CADM2: variants seen among roughly 807,000 people sequenced by gnomAD.
The protein encoded by CADM2 is immunoglobulin superfamily member 4D.
In CADM2, 12 loss-of-function variants were observed where a neutral mutation model predicts 49.8. The observed-to-expected ratio is 0.24, with a 90% confidence interval of 0.15 to 0.39. The LOEUF (loss-of-function observed/expected upper bound fraction) is 0.39, where lower values mean the gene tolerates loss of function less well. Ranked by LOEUF, CADM2 falls within the 10% of genes least tolerant of loss-of-function variation. The probability of loss-of-function intolerance (pLI) is 1.00; values close to 1 mark genes in which losing one functional copy is unlikely to be tolerated. For missense variants in CADM2, 378 were observed against 492.3 expected (o/e 0.77, Z 2.20); for synonymous variants, 214 against 175.4 (o/e 1.22, Z -1.74).
intron 1 of CADM2, among the ~76,000 whole-genome samples, chr3:85,215,464 C>G (rs1259582640): frequency 6.6e-6 from 1 of 151,290 alleles, no homozygotes; most frequent in African/African-American, 2.4e-5. Context: ...AGGTTGAAGT[C>G]CTTTTTACTC....
chr3:85,573,149 C>G (rs1290033293), intron 1 of CADM2, among the ~76,000 whole-genome samples: 1 of 149,474 alleles, frequency 6.7e-6, no homozygotes, highest in East Asian at 2.0e-4. Flanking sequence ...TATATAAAAA[C>G]GTGCTTATTT....
chr3:85,817,657 T>C (rs1050091505), intron 3 of CADM2, among the ~76,000 whole-genome samples: 1 of 152,146 alleles, frequency 6.6e-6, no homozygotes, highest in Non-Finnish European at 1.5e-5. Context: ...GAATCACAGT[T>C]CCATCGTGGA....
At chr3:85,098,776 C>T (rs1253993856) in intron 1 of CADM2, among the ~76,000 whole-genome samples, 3 of 152,136 alleles carry the variant, frequency 2.0e-5, no homozygotes, top group East Asian at 3.9e-4. Context: ...ATGCTTGCTC[C>T]GCACCTCGTG....
intron 1 of CADM2, among the ~76,000 whole-genome samples, chr3:85,603,266 T>G (rs1256315689): frequency 6.6e-6 from 1 of 151,968 alleles, no homozygotes; most frequent in East Asian, 1.9e-4. Context: ...AGGCTGCATT[T>G]CTTCTAACAT....
chr3:85,395,847 T>G (rs2107415989), intron 1 of CADM2, among the ~76,000 whole-genome samples: 1 of 151,462 alleles, frequency 6.6e-6, no homozygotes. Flanking sequence ...TGTATGCAAC[T>G]TTAAAAATCA....
intron 1 of CADM2, among the ~76,000 whole-genome samples, chr3:85,637,869 A>G (rs1696406684): frequency 6.6e-6 from 1 of 152,138 alleles, no homozygotes; most frequent in Admixed American, 6.5e-5. Flanking sequence ...ACAAAAATTT[A>G]GGTGAAAACA....
chr3:85,244,583 C>T (rs2042607087), intron 1 of CADM2, among the ~76,000 whole-genome samples: 1 of 152,028 alleles, frequency 6.6e-6, no homozygotes, highest in Non-Finnish European at 1.5e-5. Flanking sequence ...TCTCATTAGT[C>T]ATTATTTCTC....
chr3:85,900,829 T>C (rs889995849), intron 5 of CADM2, among the ~76,000 whole-genome samples: 8 of 152,200 alleles, frequency 5.3e-5, no homozygotes, highest in Admixed American at 3.3e-4. Context: ...CTTCTTCATA[T>C]GTGAGGAAAA....
rs536349116 is a variant in CADM2 at position 85,668,344 on chromosome 3, A to G, written c.62-58178A>G. Among the ~76,000 whole-genome samples, 151 of 151,926 alleles carry G rather than the reference A, an allele frequency of 9.9e-4. 1 individual carries two copies. The highest frequency in any genetic ancestry group is 1.6e-3 in the Admixed American group (25 of 15,198). On this transcript the variant is annotated intron_variant, in intron 1 of 9. Coordinates refer to ENST00000383699, the MANE Select transcript of CADM2 (RefSeq NM_001167675.2). The stretch of plus-strand genomic sequence containing the variant: ...CAAAAACAAACACAAACAAACAAAA[A>G]AACACCTCAAATAAATCTAGTGTTT...
chr3:85,194,335 A>G (rs542170259), intron 1 of CADM2, among the ~76,000 whole-genome samples: 3 of 152,162 alleles, frequency 2.0e-5, no homozygotes, highest in East Asian at 3.9e-4. Context: ...GTATGTCTTA[A>G]AACATTGGGA....
intron 1 of CADM2, among the ~76,000 whole-genome samples, chr3:85,010,947 T>A (rs1174872146): frequency 1.6e-5 from 2 of 128,584 alleles, no homozygotes; most frequent in East Asian, 5.3e-4. Flanking sequence ...CACTGCAAGC[T>A]CCACCTCCCG....
At chr3:86,063,479 G>A (rs1448013368) in intron 8 of CADM2, among the ~76,000 whole-genome samples, 1 of 152,026 alleles carries the variant, frequency 6.6e-6, no homozygotes, top group Non-Finnish European at 1.5e-5. Context: ...ATTCTTTTTT[G>A]CTTTCCCAAA....
At chr3:85,895,248 C>G (rs1469213273) in intron 5 of CADM2, among the ~76,000 whole-genome samples, 1 of 152,164 alleles carries the variant, frequency 6.6e-6, no homozygotes, top group African/African-American at 2.4e-5. Flanking sequence ...GATGTGGGAG[C>G]CCACCTCTTG....
intron 8 of CADM2, chr3:86,012,603 C>A: frequency 6.3e-7 from 1 of 1,578,336 alleles, no homozygotes; most frequent in Non-Finnish European, 8.6e-7. Context: ...GCGAAGCGCA[C>A]GCAGTCCGAC....
chr3:85,634,739 GATCA>G (rs1330998876), intron 1 of CADM2, among the ~76,000 whole-genome samples: 1 of 152,034 alleles, frequency 6.6e-6, no homozygotes, highest in African/African-American at 2.4e-5. Flanking sequence ...TTATGTGATA[GATCA>G]ATCATTTTAG....
intron 4 of CADM2, 65 bp downstream of exon 4, chr3:85,883,508 A>G: frequency 2.3e-6 from 3 of 1,311,584 alleles, no homozygotes; most frequent in Non-Finnish European, 3.1e-6. Flanking sequence ...CTACAGCAAC[A>G]TAATTCAATA....
At chr3:85,993,838 TA>T (rs1379249900) in intron 8 of CADM2, 4 of 152,098 alleles carry the variant, frequency 2.6e-5, no homozygotes, top group Non-Finnish European at 5.9e-5. Context: ...ACATTGAGCT[TA>T]AAATATTCAA....
At chr3:85,987,833 T>C (rs1011005286) in intron 8 of CADM2, among the ~76,000 whole-genome samples, 5 of 151,706 alleles carry the variant, frequency 3.3e-5, no homozygotes, top group African/African-American at 7.3e-5. Flanking sequence ...TATAAGTAAA[T>C]GTATTTCTAG....
chr3:85,297,165 T>C (rs2043985817), intron 1 of CADM2, among the ~76,000 whole-genome samples: 1 of 150,998 alleles, frequency 6.6e-6, no homozygotes, highest in Non-Finnish European at 1.5e-5. Flanking sequence ...TGCACTTTTA[T>C]TGATATAGCT....
Sources: gnomAD v4.1 joint callset for allele counts (sites outside exome capture counted in the v4.1 genomes callset) on GRCh38, gnomAD v4.1.1 for gene constraint, MANE v1.5 for transcripts, NCBI Gene and HGNC (gene_info 2026-07-23, HGNC 2026-07-21) for gene names.